SUPT16H: variants seen among roughly 807,000 people sequenced by gnomAD.
SUPT16H encodes FACT complex subunit SPT16.
A neutral mutation model predicts 136.2 loss-of-function variants in SUPT16H; 24 were observed. That is an observed-to-expected ratio of 0.18 (90% confidence interval 0.13 to 0.25). The LOEUF is 0.25. SUPT16H is among the 10% of genes least tolerant of loss of function. The probability of loss-of-function intolerance (pLI) is 1.00; values close to 1 mark genes in which losing one functional copy is unlikely to be tolerated. For missense variants in SUPT16H, 623 were observed against 1,270.2 expected (o/e 0.49, Z 7.74); for synonymous variants, 415 against 428.2 (o/e 0.97, Z 0.38).
intron 8 of SUPT16H, among the ~76,000 whole-genome samples, chr14:21,365,928 C>A (rs138037494): frequency 0.011 from 1,660 of 152,184 alleles, 18 homozygotes; most frequent in Middle Eastern, 0.034. Context: ...CATAGCGAGA[C>A]CCTGTTTCTA....
chr14:21,372,357 G>C lies in SUPT16H; in HGVS notation c.160-313C>G, dbSNP rs1205110956. 1.5e-5 allele frequency: 5 copies of C among 323,420 alleles called. No homozygotes were observed. In the Admixed American group the frequency reaches 2.4e-4, roughly 16 times the overall value. The allele number at this position is 323,420 out of a possible 1,614,324, so 20.0% of individuals were successfully genotyped here. On this transcript the variant is annotated intron_variant, in intron 2 of 25. Coordinates refer to ENST00000216297, the MANE Select transcript of SUPT16H (RefSeq NM_007192.4). The stretch of plus-strand genomic sequence containing the variant: ...AAGTATATCAATGTTTAGTGATACA[G>C]AAATGCATAAAACAAGGGACAGAGT...
At chr14:21,354,745 C>T (rs1886391280) in intron 22 of SUPT16H, 4 of 431,354 alleles carry the variant, frequency 9.3e-6, no homozygotes, top group Middle Eastern at 7.0e-4. Context: ...GCGCATGCCA[C>T]CATGCCTGGC....
Position 21,363,479 on chromosome 14 carries a change from A to G in SUPT16H, c.1258T>C (p.Ser420Pro), listed in dbSNP as rs1374030903. ...DEDGPATVLT[S>P]VKKKVKNVGI... ...ACATTCTTCACTTTCTTCTTCACAG[A>G]AGTGAGAACAGTAGCTGGGCCATCC... Residue 420 changes from serine to proline, a missense_variant, in exon 11 of 26, where the codon TCT becomes CCT. Transcript: ENST00000216297. The G allele has an allele frequency of 6.2e-7, 1 of 1,613,764 alleles. No homozygotes were observed. Among genetic ancestry groups the G allele is most frequent in the African/African-American group, 1.3e-5 (1 of 75,036 alleles).
At position 21,359,589 on chromosome 14, in the gene SUPT16H, C is replaced by A. The variant is rs1219751593; in HGVS notation, c.2196G>T (p.Lys732Asn). The A allele has an allele frequency of 1.2e-6, 2 of 1,613,776 alleles. No individual in the cohort carries two copies. Among genetic ancestry groups the A allele is most frequent in the Non-Finnish European group, 1.7e-6 (2 of 1,179,912 alleles). The change falls in exon 19 of 26, where the codon AAG becomes AAT. Residue 732 changes from lysine (K) to asparagine (N), a missense_variant. Coordinates refer to ENST00000216297, the MANE Select transcript of SUPT16H (RefSeq NM_007192.4). ...AGAACTGCACATCCGTGTGCCGCTT[C>A]TTCCCAAACATGATGGCATTCTGTC... Reference protein sequence around the residue: ...FHLKNAIMFGKKRHTDVQFYT... With the variant: ...FHLKNAIMFGNKRHTDVQFYT...
chr14:21,374,228 G>GC (rs1255864449), intron 1 of SUPT16H, among the ~76,000 whole-genome samples: 6 of 152,214 alleles, frequency 3.9e-5, no homozygotes, highest in Non-Finnish European at 8.8e-5. Flanking sequence ...CAGATGCCTG[G>GC]CCAGAAGGCC....
At chr14:21,359,896 T>C (rs1209953017) in intron 18 of SUPT16H, among the ~76,000 whole-genome samples, 1 of 152,188 alleles carries the variant, frequency 6.6e-6, no homozygotes, top group Non-Finnish European at 1.5e-5. Flanking sequence ...GTATAAAACA[T>C]TTGCTGGCCA....
chr14:21,364,651 A>G (rs1271136715), intron 10 of SUPT16H, among the ~76,000 whole-genome samples, 176 bp downstream of exon 10: 1 of 152,182 alleles, frequency 6.6e-6, no homozygotes, highest in Non-Finnish European at 1.5e-5. Context: ...TTAAAGGTTT[A>G]TATCATTCCC....
intron 7 of SUPT16H, among the ~76,000 whole-genome samples, chr14:21,367,198 C>T (rs141563159): frequency 0.021 from 3,178 of 152,206 alleles, 113 homozygotes; most frequent in African/African-American, 0.073. Context: ...CCCAGAGTGC[C>T]GGGATCACAG....
chr14:21,355,373 G>A (rs1178592293), intron 22 of SUPT16H, among the ~76,000 whole-genome samples: 3 of 151,914 alleles, frequency 2.0e-5, no homozygotes, highest in South Asian at 2.1e-4. Context: ...CGCGCCTGTA[G>A]TCCCAGCTAC....
chr14:21,360,866 G>A lies in SUPT16H; in HGVS notation c.2036C>T (p.Ser679Leu). The A allele has an allele frequency of 1.2e-6, 2 of 1,614,152 alleles. No homozygotes were observed. Among genetic ancestry groups the A allele is most frequent in the South Asian group, 1.1e-5 (1 of 91,074 alleles). ...PNIAQKRMQGSLEAHVNGFRF... is the reference protein window; with the variant it reads ...PNIAQKRMQGLLEAHVNGFRF... ...CATACCATTGACATGGGCCTCCAGT[G>A]AGCCTTGCATCCTCTTTTGGGCAAT... The change falls in exon 17 of 26, where the codon TCA becomes TTA. Residue 679 changes from serine to leucine, a missense_variant. Around this residue, in one of 7 missense-constraint regions of SUPT16H, gnomAD observed 21 missense variants for 140.3 expected, o/e 0.15. Transcript: ENST00000216297.
chr14:21,368,339 A>G lies in SUPT16H; in HGVS notation c.885T>C (p.Ser295=), dbSNP rs144032299. ...AGTTATAATTTTCTTGAACTTCTTG[A>G]GAAGGATCAACCATCAAAGTGCGAA... The part of the protein sequence containing the change: ...NLVRTLMVDP[S]QEVQENYNFL... The change falls in exon 7 of 26, where the codon TCT becomes TCC. Residue 295 remains serine, a synonymous_variant. Coordinates refer to ENST00000216297, the MANE Select transcript of SUPT16H (RefSeq NM_007192.4). The G allele has an allele frequency of 1.7e-4, 277 of 1,614,130 alleles. No homozygotes were observed. In the African/African-American group the frequency reaches 3.2e-3, roughly 18 times the overall value.
chr14:21,353,536 C>T lies in SUPT16H; in HGVS notation c.2950G>A (p.Glu984Lys). 6.2e-7 allele frequency: 1 copy of T among 1,614,176 alleles called. No homozygotes were observed. The change falls in exon 25 of 26, where the codon GAA becomes AAA. Residue 984 changes from glutamate (E) to lysine (K), a missense_variant. Physicochemically the swap from Glu to Lys is moderately conservative, Grantham distance 56. Around this residue, in one of 7 missense-constraint regions of SUPT16H, gnomAD observed 88 missense variants for 135.5 expected, o/e 0.65. Transcript: ENST00000216297. The stretch of plus-strand genomic sequence containing the variant: ...TCATCCCAATCCTTTCCACTCTCTT[C>T]TTCACTACCCAATGACTCCTTAGAA... ...DYSKESLGSE[E>K]ESGKDWDELE...
Position 21,353,684 on chromosome 14 carries a change from T to G in SUPT16H, c.2920+19A>C, listed in dbSNP as rs780288068. 1.9e-6 allele frequency: 3 copies of G among 1,609,034 alleles called. No individual in the cohort carries two copies. The Admixed American group carries it at 5.1e-5, about 27-fold the overall frequency. ...ATTAGATTAGGAAGCCAGGACGAAC[T>G]TTGCTCTGTAAGACTAACCTGACTC... On this transcript the variant is annotated intron_variant, in intron 24 of 25. Transcript: ENST00000216297.
chr14:21,372,491 C>T, intron 2 of SUPT16H: 1 of 325,442 alleles, frequency 3.1e-6, no homozygotes, highest in East Asian at 8.3e-5. Context: ...TAAGTATGGT[C>T]ATTAGGATCA....
chr14:21,369,953 G>C (rs1251715732), intron 4 of SUPT16H, 57 bp from the exon 5 acceptor site: 1 of 1,580,586 alleles, frequency 6.3e-7, no homozygotes, highest in Non-Finnish European at 8.7e-7. Context: ...CAAAATAAAT[G>C]CATCTCTCCA....
intron 22 of SUPT16H, among the ~76,000 whole-genome samples, chr14:21,356,265 C>A (rs1424814664): frequency 6.6e-6 from 1 of 152,220 alleles, no homozygotes; most frequent in South Asian, 2.1e-4. Context: ...AAAACTGGAA[C>A]TGCATAAAGA....
intron 1 of SUPT16H, chr14:21,383,464 C>A (rs1330646978): frequency 7.1e-6 from 4 of 563,566 alleles, no homozygotes; most frequent in African/African-American, 3.8e-5. Context: ...CGGTTATAAT[C>A]CTGGCGGGAC....
chr14:21,360,670 A>G, intron 17 of SUPT16H, 137 bp from the exon 18 acceptor site: 1 of 1,212,510 alleles, frequency 8.2e-7, no homozygotes, highest in Non-Finnish European at 1.2e-6. Context: ...TTCTGGCCAC[A>G]CAGCAGTGTA....
At chr14:21,377,351 A>C (rs1886925065) in intron 1 of SUPT16H, among the ~76,000 whole-genome samples, 1 of 152,224 alleles carries the variant, frequency 6.6e-6, no homozygotes, top group African/African-American at 2.4e-5. Flanking sequence ...GTATACTGGA[A>C]ATAGAATCAT....
Sources: gnomAD v4.1 joint callset for allele counts (sites outside exome capture counted in the v4.1 genomes callset) on GRCh38, gnomAD v4.1.1 for gene constraint, gnomAD v4.1.1 regional missense constraint, MANE v1.5 for transcripts, NCBI Gene and HGNC (gene_info 2026-07-23, HGNC 2026-07-21) for gene names.